The following PRUNE2 variants were observed in gnomAD, a reference collection of about 807,000 sequenced individuals.
PRUNE2 encodes prune homolog 2 with BCH domain, also known as protein prune homolog 2.
A neutral mutation model predicts 252.0 loss-of-function variants in PRUNE2; 164 were observed. The observed-to-expected ratio is 0.65, with a 90% CI of 0.57 to 0.74. The LOEUF is 0.74. Among genes scored for constraint, PRUNE2 ranks in the 30% least tolerant of loss-of-function variants. The probability of loss-of-function intolerance (pLI) is 0.00; values close to 1 mark genes in which losing one functional copy is unlikely to be tolerated. For missense variants in PRUNE2, 3,495 were observed against 3,711.0 expected, an observed-to-expected ratio of 0.94 and a Z score of 1.51; for synonymous variants, 1,292 against 1,350.2, an observed-to-expected ratio of 0.96 and a Z score of 0.94.
At chr9:76,696,703 G>A (rs1266171297) in intron 9 of PRUNE2, among the ~76,000 whole-genome samples, 1 of 152,240 alleles carries the variant, frequency 6.6e-6, no homozygotes. Context: ...TGGGATTACA[G>A]GCATGAGGCG....
intron 1 of PRUNE2, among the ~76,000 whole-genome samples, chr9:76,869,981 C>A (rs978147443): frequency 6.6e-6 from 1 of 152,102 alleles, no homozygotes; most frequent in Non-Finnish European, 1.5e-5. Flanking sequence ...ATGGAAGGGA[C>A]CTTTAATACA....
At chr9:76,745,661 G>T (rs1226708229) in intron 6 of PRUNE2, among the ~76,000 whole-genome samples, 1 of 152,124 alleles carries the variant, frequency 6.6e-6, no homozygotes, top group African/African-American at 2.4e-5. Context: ...TTTGGTAAAG[G>T]CTGATTTGAG....
At chr9:76,702,725 T>C (rs1248204187) in intron 9 of PRUNE2, among the ~76,000 whole-genome samples, 1 of 152,208 alleles carries the variant, frequency 6.6e-6, no homozygotes, top group Non-Finnish European at 1.5e-5. Context: ...CTGTCTCTTA[T>C]CTAACTATAA....
intron 3 of PRUNE2, among the ~76,000 whole-genome samples, chr9:76,849,299 C>A (rs895402271): frequency 4.6e-5 from 7 of 151,644 alleles, no homozygotes; most frequent in African/African-American, 1.5e-4. Context: ...CATGAATATT[C>A]AAAAAAAATC....
At chr9:76,784,073 G>A (rs2054714031) in intron 6 of PRUNE2, 2 of 152,016 alleles carry the variant, frequency 1.3e-5, no homozygotes, top group African/African-American at 2.4e-5. Context: ...TTTTCTACCC[G>A]GGCTCACCTC....
intron 7 of PRUNE2, among the ~76,000 whole-genome samples, chr9:76,712,286 T>C (rs922665181): frequency 3.9e-5 from 6 of 152,170 alleles, no homozygotes; most frequent in African/African-American, 1.4e-4. Flanking sequence ...GAAATGAAGA[T>C]ACAGGAAGAT....
intron 3 of PRUNE2, among the ~76,000 whole-genome samples, chr9:76,849,085 A>AT (rs901022946): frequency 2.6e-5 from 4 of 151,922 alleles, no homozygotes; most frequent in African/African-American, 7.3e-5. Context: ...ATTTCTTTGT[A>AT]TTTTTTGTGG....
chr9:76,698,383 C>T (rs2045589783), intron 9 of PRUNE2, among the ~76,000 whole-genome samples: 1 of 152,166 alleles, frequency 6.6e-6, no homozygotes, highest in Non-Finnish European at 1.5e-5. Context: ...ACCAACTCAC[C>T]AACATACCAC....
At chr9:76,870,503 G>A (rs1194857322) in intron 1 of PRUNE2, among the ~76,000 whole-genome samples, 2 of 151,922 alleles carry the variant, frequency 1.3e-5, no homozygotes, top group Non-Finnish European at 2.9e-5. Context: ...GGCTAACACG[G>A]TGAAACCCCG....
At chr9:76,677,825 C>T (rs1187821369) in intron 9 of PRUNE2, among the ~76,000 whole-genome samples, 2 of 152,108 alleles carry the variant, frequency 1.3e-5, no homozygotes, top group African/African-American at 2.4e-5. Flanking sequence ...ATCCATTCCC[C>T]GAGGTCAGCA....
intron 6 of PRUNE2, among the ~76,000 whole-genome samples, chr9:76,780,367 T>C (rs915259259): frequency 6.6e-6 from 1 of 152,110 alleles, no homozygotes; most frequent in African/African-American, 2.4e-5. Context: ...CCATTTAGTC[T>C]GGCCACCTGT....
intron 1 of PRUNE2, among the ~76,000 whole-genome samples, chr9:76,866,031 T>C (rs2132933912): frequency 6.6e-6 from 1 of 152,350 alleles, no homozygotes; most frequent in African/African-American, 2.4e-5. Context: ...TCTATTATTC[T>C]GAAGATATAG....
chr9:76,651,531 C>T (rs1182626602), intron 11 of PRUNE2, among the ~76,000 whole-genome samples: 6 of 152,152 alleles, frequency 3.9e-5, no homozygotes, highest in African/African-American at 1.4e-4. Flanking sequence ...CAGACTCTCT[C>T]GCTTTCACTT....
At chr9:76,618,277 T>G (rs115560939) in intron 18 of PRUNE2, among the ~76,000 whole-genome samples, 1,842 of 152,320 alleles carry the variant, frequency 0.012, 28 homozygotes, top group East Asian at 0.055. Context: ...AAGGTCAACA[T>G]GGCAAATGTG....
intron 4 of PRUNE2, 90 bp from the exon 5 acceptor site, chr9:76,826,822 T>G: frequency 9.3e-7 from 1 of 1,077,250 alleles, no homozygotes; most frequent in Non-Finnish European, 1.3e-6. Flanking sequence ...CCTCTCAATC[T>G]AAGCTTTCCA....
intron 6 of PRUNE2, among the ~76,000 whole-genome samples, chr9:76,750,382 G>A (rs905266050): frequency 6.6e-6 from 1 of 152,122 alleles, no homozygotes; most frequent in African/African-American, 2.4e-5. Context: ...AACAGTGTCT[G>A]AATTTAATTG....
At chr9:76,851,332 G>A (rs2132561569) in intron 2 of PRUNE2, among the ~76,000 whole-genome samples, 1 of 152,264 alleles carries the variant, frequency 6.6e-6, no homozygotes, top group South Asian at 2.1e-4. Flanking sequence ...CAGATCACGA[G>A]GTCAGGAGAT....
chr9:76,835,969 CTCTT>C (rs1366138221), intron 4 of PRUNE2, among the ~76,000 whole-genome samples: 1 of 150,814 alleles, frequency 6.6e-6, no homozygotes, highest in Non-Finnish European at 1.5e-5. Flanking sequence ...TTTTCTTTCT[CTCTT>C]TGTCTTGTGG....
intron 1 of PRUNE2, among the ~76,000 whole-genome samples, chr9:76,859,694 T>A (rs2132762316): frequency 6.7e-6 from 1 of 148,478 alleles, no homozygotes; most frequent in African/African-American, 2.5e-5. Flanking sequence ...TGCTTGTTTG[T>A]TTGTTTGTTT....
Sources: gnomAD v4.1 joint callset for allele counts (sites outside exome capture counted in the v4.1 genomes callset) on GRCh38, gnomAD v4.1.1 for gene constraint, MANE v1.5 for transcripts, NCBI Gene and HGNC (gene_info 2026-07-23, HGNC 2026-07-21) for gene names.